The following PDE7B variants were observed in gnomAD, a reference collection of about 807,000 sequenced individuals.
PDE7B encodes phosphodiesterase 7B, also known as 3',5'-cyclic-AMP phosphodiesterase 7B.
A neutral mutation model predicts 56.2 loss-of-function variants in PDE7B; 29 were observed. The ratio of observed to expected loss-of-function variants is 0.52; its 90% CI spans 0.38 to 0.70. PDE7B has a LOEUF of 0.70. Among genes scored for constraint, PDE7B ranks in the 30% least tolerant of loss-of-function variants. The pLI is 0.00. For missense variants in PDE7B, 490 were observed against 565.0 expected, an observed-to-expected ratio of 0.87 and a Z score of 1.35; for synonymous variants, 197 against 196.9, an observed-to-expected ratio of 1.00 and a Z score of 0.00.
chr6:136,109,474 G>A (rs1024847086), intron 3 of PDE7B, among the ~76,000 whole-genome samples: 1 of 152,132 alleles, frequency 6.6e-6, no homozygotes, highest in African/African-American at 2.4e-5. Context: ...AACCCCACAG[G>A]GAAACCTCTT....
chr6:135,987,894 AAC>A (rs1467132290), intron 2 of PDE7B, among the ~76,000 whole-genome samples: 1 of 152,068 alleles, frequency 6.6e-6, no homozygotes, highest in Admixed American at 6.5e-5. Flanking sequence ...TCCAAATACC[AAC>A]ACACTGGAGG....
intron 1 of PDE7B, among the ~76,000 whole-genome samples, chr6:135,879,961 C>T (rs1775575514): frequency 6.6e-6 from 1 of 152,136 alleles, no homozygotes; most frequent in Admixed American, 6.6e-5. Flanking sequence ...TTATGCAAAA[C>T]TATAAATATC....
intron 2 of PDE7B, among the ~76,000 whole-genome samples, chr6:136,098,880 C>G (rs1263759594): frequency 3.9e-5 from 6 of 151,984 alleles, no homozygotes; most frequent in Admixed American, 3.9e-4. Context: ...CACCCATTAA[C>G]TCGTCATTTA....
At chr6:136,126,994 T>C (rs936716532) in intron 3 of PDE7B, among the ~76,000 whole-genome samples, 1 of 152,190 alleles carries the variant, frequency 6.6e-6, no homozygotes, top group Non-Finnish European at 1.5e-5. Context: ...CTTTGTGATC[T>C]CCATGAATAT....
At chr6:136,044,261 CCTT>C (rs1776461660) in intron 2 of PDE7B, 1 of 152,148 alleles carries the variant, frequency 6.6e-6, no homozygotes, top group Non-Finnish European at 1.5e-5. Flanking sequence ...TTCTTCCTCT[CCTT>C]CTAGATTCCA....
chr6:136,133,032 T>C (rs1778144359), intron 3 of PDE7B, among the ~76,000 whole-genome samples: 2 of 152,036 alleles, frequency 1.3e-5, no homozygotes, highest in South Asian at 4.1e-4. Flanking sequence ...TCCAACCACA[T>C]ATAAAAAACA....
intron 2 of PDE7B, among the ~76,000 whole-genome samples, chr6:136,022,691 G>A (rs112882422): frequency 2.6e-4 from 39 of 152,298 alleles, no homozygotes; most frequent in African/African-American, 8.9e-4. Flanking sequence ...TACTCACTGT[G>A]CAAGTGGGAG....
intron 2 of PDE7B, among the ~76,000 whole-genome samples, chr6:136,043,036 C>A (rs745657335): frequency 4.1e-4 from 62 of 152,336 alleles, no homozygotes; most frequent in South Asian, 6.2e-4. Context: ...TTTATACACA[C>A]TTTCAAATAC....
At chr6:136,018,120 A>G (rs1776009556) in intron 2 of PDE7B, among the ~76,000 whole-genome samples, 1 of 152,182 alleles carries the variant, frequency 6.6e-6, no homozygotes, top group South Asian at 2.1e-4. Flanking sequence ...TATAGTTTCC[A>G]TGCATCTTGG....
chr6:136,124,453 A>G (rs1777987610), intron 3 of PDE7B, among the ~76,000 whole-genome samples: 1 of 152,212 alleles, frequency 6.6e-6, no homozygotes, highest in African/African-American at 2.4e-5. Context: ...TATGCAAATG[A>G]AAGAACATTA....
At chr6:135,956,840 GAAAGAAAGAAAGAAGA>G (rs1774804312) in intron 2 of PDE7B, among the ~76,000 whole-genome samples, 1 of 148,816 alleles carries the variant, frequency 6.7e-6, no homozygotes, top group Non-Finnish European at 1.5e-5. Context: ...GAGAAAGGAA[GAAAGAAAGAAAGAAGA>G]AAAGAAAGAA....
At chr6:136,125,830 C>T (rs191376782) in intron 3 of PDE7B, among the ~76,000 whole-genome samples, 10 of 152,106 alleles carry the variant, frequency 6.6e-5, no homozygotes, top group East Asian at 5.8e-4. Context: ...ACAGCCTTCC[C>T]GGGGCGTTTT....
intron 2 of PDE7B, among the ~76,000 whole-genome samples, chr6:136,025,988 G>C (rs1158274136): frequency 6.6e-6 from 1 of 152,162 alleles, no homozygotes. Flanking sequence ...AAGGAAAATA[G>C]CTGTCCAATG....
At chr6:136,072,983 C>T (rs146957651) in intron 2 of PDE7B, among the ~76,000 whole-genome samples, 420 of 152,264 alleles carry the variant, frequency 2.8e-3, no homozygotes, top group African/African-American at 7.6e-3. Context: ...AGCCACTCAA[C>T]GCACCCTTCT....
intron 2 of PDE7B, chr6:136,044,696 ATAAT>A (rs1427731611): frequency 1.3e-5 from 2 of 152,242 alleles, no homozygotes; most frequent in African/African-American, 4.8e-5. Flanking sequence ...GACTTTTAAA[ATAAT>A]TACTCTGTTC....
At chr6:136,038,028 A>G (rs1317492368) in intron 2 of PDE7B, 2 of 1,319,366 alleles carry the variant, frequency 1.5e-6, no homozygotes, top group East Asian at 9.4e-5. Flanking sequence ...CACCAGAGAG[A>G]AACCTAGGGA....
intron 1 of PDE7B, among the ~76,000 whole-genome samples, chr6:135,889,750 ATTTTTT>A (rs35311247): frequency 6.7e-5 from 5 of 74,862 alleles, no homozygotes; most frequent in African/African-American, 2.7e-4. Context: ...CGGTGCTACC[ATTTTTT>A]TTTTTTTTTT....
At chr6:136,140,939 T>C (rs1439749410) in intron 3 of PDE7B, among the ~76,000 whole-genome samples, 5 of 151,970 alleles carry the variant, frequency 3.3e-5, no homozygotes, top group African/African-American at 9.7e-5. Context: ...CCTCTTTTCC[T>C]GATTGAATAC....
intron 2 of PDE7B, among the ~76,000 whole-genome samples, chr6:136,040,540 G>A (rs1776396848): frequency 6.6e-6 from 1 of 152,092 alleles, no homozygotes; most frequent in Admixed American, 6.5e-5. Context: ...ACAACAATGG[G>A]GCCCTCAGGA....
Sources: gnomAD v4.1 joint callset for allele counts (sites outside exome capture counted in the v4.1 genomes callset) on GRCh38, gnomAD v4.1.1 for gene constraint, MANE v1.5 for transcripts, NCBI Gene and HGNC (gene_info 2026-07-23, HGNC 2026-07-21) for gene names.